The following AGMO variants were observed in gnomAD, a reference collection of about 807,000 sequenced individuals.
The protein encoded by AGMO is alkylglycerol monooxygenase.
Under a neutral mutation model 60.2 loss-of-function variants are expected in AGMO, and 75 were observed. The ratio of observed to expected loss-of-function variants is 1.25; its 90% CI spans 1.03 to 1.51. AGMO has a LOEUF of 1.51. AGMO is among the 40% of genes most tolerant of loss of function. The pLI is 0.00. For synonymous variants in AGMO, 261 were observed against 177.1 expected (o/e 1.47, Z -3.76); for missense variants, 763 against 525.5 (o/e 1.45, Z -4.42).
At chr7:15,157,656 G>A in the AGMO span, among the ~76,000 whole-genome samples, 1 of 152,110 alleles carries the variant, frequency 6.6e-6, no homozygotes, top group Non-Finnish European at 1.5e-5. Flanking sequence ...CTCCAAAGGG[G>A]GACAAGCCTG....
chr7:15,390,059 C>T (rs1784075317), intron 8 of AGMO, among the ~76,000 whole-genome samples: 1 of 152,062 alleles, frequency 6.6e-6, no homozygotes, highest in Non-Finnish European at 1.5e-5. Flanking sequence ...TGCCTAACCC[C>T]AGGAGTATTT....
At chr7:15,159,114 A>G in the AGMO span, among the ~76,000 whole-genome samples, 1 of 152,166 alleles carries the variant, frequency 6.6e-6, no homozygotes, top group Non-Finnish European at 1.5e-5. Context: ...TTTGTATTTT[A>G]TTCCAAATAA....
At chr7:15,157,412 G>A in the AGMO span, among the ~76,000 whole-genome samples, 1 of 152,178 alleles carries the variant, frequency 6.6e-6, no homozygotes, top group African/African-American at 2.4e-5. Flanking sequence ...TAACATCTGA[G>A]GGGAAGAAGA....
intron 3 of AGMO, among the ~76,000 whole-genome samples, chr7:15,535,473 T>G (rs1003500459): frequency 3.3e-5 from 5 of 151,874 alleles, no homozygotes; most frequent in African/African-American, 4.8e-5. Context: ...CAACAAAAAT[T>G]ATGCATCTCA....
At chr7:15,191,276 G>T in the AGMO span, among the ~76,000 whole-genome samples, 2 of 152,102 alleles carry the variant, frequency 1.3e-5, no homozygotes, top group African/African-American at 4.8e-5. Context: ...CAAGTAACAC[G>T]ATATCTTGCT....
chr7:15,155,676 T>G, the AGMO span, among the ~76,000 whole-genome samples: 1 of 152,082 alleles, frequency 6.6e-6, no homozygotes, highest in Non-Finnish European at 1.5e-5. Flanking sequence ...GCCGGGGAGA[T>G]AGTGCGGTCA....
chr7:15,153,359 A>T, the AGMO span, among the ~76,000 whole-genome samples: 2 of 151,824 alleles, frequency 1.3e-5, no homozygotes, highest in Non-Finnish European at 2.9e-5. Flanking sequence ...AGTTCCATAT[A>T]TTTATCTTTA....
At chr7:15,447,423 G>C (rs1431820334) in intron 3 of AGMO, among the ~76,000 whole-genome samples, 3 of 152,184 alleles carry the variant, frequency 2.0e-5, no homozygotes, top group Admixed American at 6.5e-5. Context: ...CACGTAACTT[G>C]ACATAAAACA....
Position 15,562,005 on chromosome 7 carries a change from T to C in AGMO, c.-160A>G. 1.7e-6 allele frequency: 1 copy of C among 590,486 alleles called. No homozygotes were observed. The highest frequency in any genetic ancestry group is 2.7e-6 in the Non-Finnish European group (1 of 365,808). 36.6% of individuals were successfully genotyped at this position (590,486 alleles called of 1,614,324 possible). On this transcript the variant is annotated 5_prime_UTR_variant, in exon 1 of 13. Transcript: ENST00000342526. ...TGAGAGCACACTCAACAGCCGATTC[T>C]GTGTAGAGAGACAGGAAAATACAAG... is the stretch of plus-strand genomic sequence containing the variant.
At chr7:15,322,327 T>C (rs1433215577) in intron 12 of AGMO, among the ~76,000 whole-genome samples, 3 of 146,274 alleles carry the variant, frequency 2.1e-5, no homozygotes, top group African/African-American at 7.5e-5. Flanking sequence ...AACTGGCAGA[T>C]ATATGCCATA....
At position 15,529,805 on chromosome 7, in the gene AGMO, TA is replaced by T. The variant is rs561570248; in HGVS notation, c.409+14966del. On this transcript the variant is annotated intron_variant, in intron 3 of 12. Transcript: ENST00000342526. ...CTCTATATATATTTCTCTATATATA[TA>T]TTCTATATATATATTTCCATATATA... Among the ~76,000 whole-genome samples the T allele has an allele frequency of 1.1e-4, 6 of 54,616 alleles. 2 individuals carry two copies. The highest frequency in any genetic ancestry group is 6.1e-4 in the African/African-American group (6 of 9,778). The allele number at this position is 54,616 out of a possible 152,430, so 35.8% of individuals were successfully genotyped here. A position where few individuals can be genotyped will look rare whatever the true frequency, so the allele number is the denominator to read the frequency against.
At chr7:15,482,964 A>C (rs1782799519) in intron 3 of AGMO, among the ~76,000 whole-genome samples, 1 of 152,218 alleles carries the variant, frequency 6.6e-6, no homozygotes. Flanking sequence ...CAAATTTGGA[A>C]CAAAGGTAAT....
chr7:15,358,692 T>C (rs1461563716), intron 12 of AGMO, among the ~76,000 whole-genome samples: 2 of 152,158 alleles, frequency 1.3e-5, no homozygotes, highest in Non-Finnish European at 2.9e-5. Flanking sequence ...CTCAAATTCA[T>C]GTATTCTCTG....
chr7:15,432,372 A>G (rs1464359167), intron 3 of AGMO, among the ~76,000 whole-genome samples: 1 of 136,562 alleles, frequency 7.3e-6, no homozygotes, highest in African/African-American at 3.2e-5. Flanking sequence ...ACACACACAT[A>G]TATATATACA....
At chr7:15,557,900 T>C (rs936936015) in intron 2 of AGMO, among the ~76,000 whole-genome samples, 3 of 151,966 alleles carry the variant, frequency 2.0e-5, no homozygotes, top group Admixed American at 6.6e-5. Context: ...AGTTAACAGT[T>C]TGTGTTAGTT....
intron 3 of AGMO, among the ~76,000 whole-genome samples, chr7:15,480,725 C>A (rs190688615): frequency 4.5e-4 from 69 of 152,178 alleles, no homozygotes; most frequent in African/African-American, 1.5e-3. Context: ...ATCTTATAGT[C>A]TTTTTCTAAG....
rs1783531724 is a variant in AGMO, at chr7:15,507,102, G to C, written c.409+37670C>G. ...AACATATTTATGATAGTTAAGGAAA[G>C]TGTGAGCCAAGGATTTTATATGCAG... On this transcript the variant is annotated intron_variant, in intron 3 of 12. Transcript: ENST00000342526. Among the ~76,000 whole-genome samples the C allele has an allele frequency of 2.0e-5, 3 of 152,116 alleles. No homozygotes were observed. In the South Asian group the frequency reaches 6.2e-4, roughly 32 times the overall value.
In AGMO at chr7:15,247,430, A is replaced by G. The variant is rs1283845925; in HGVS notation, c.1264-46071T>C. 6.0e-5 allele frequency among the ~76,000 whole-genome samples: 8 copies of G among 134,280 alleles called. No homozygotes were observed. The Admixed American group carries it at 6.3e-4, about 11-fold the overall frequency. The allele number at this position is 134,280 out of a possible 152,430, so 88.1% of individuals were successfully genotyped here. ...TTGGAGATTTCACACACACACACAC[A>G]CACACACACACACACACACACACAC... On this transcript the variant is annotated intron_variant, in intron 12 of 12. Transcript: ENST00000342526.
chr7:15,514,462 A>T (rs1783757258), intron 3 of AGMO, among the ~76,000 whole-genome samples: 1 of 152,314 alleles, frequency 6.6e-6, no homozygotes, highest in South Asian at 2.1e-4. Context: ...ACGTTGAGAG[A>T]TATATAGTAT....
Sources: allele counts gnomAD v4.1 joint callset (sites outside exome capture counted in the v4.1 genomes callset), GRCh38; gene constraint gnomAD v4.1.1; transcripts MANE v1.5; gene names NCBI Gene and HGNC (gene_info 2026-07-23, HGNC 2026-07-21).